Variants in MELTF observed in about 807,000 individuals in gnomAD.
MELTF encodes antigen p97 (melanoma associated) identified by monoclonal antibodies 133.2 and 96.5.
A neutral mutation model predicts 83.7 loss-of-function variants in MELTF; 67 were observed. That is an observed-to-expected ratio of 0.80 (90% confidence interval 0.66 to 0.98). MELTF has a LOEUF of 0.98. Ranked by LOEUF, MELTF falls within the 50% of genes least tolerant of loss-of-function variation. The pLI is 0.00. For missense variants in MELTF, 1,002 were observed against 1,035.6 expected (o/e 0.97, Z 0.44); for synonymous variants, 462 against 447.6 (o/e 1.03, Z -0.41).
Position 197,008,792 on chromosome 3 carries a change from C to T in MELTF, c.1682+17G>A. 6.2e-7 allele frequency: 1 copy of T among 1,613,990 alleles called. No homozygotes were observed. The highest frequency in any genetic ancestry group is 8.5e-7 in the Non-Finnish European group (1 of 1,179,936). ...AGCCTCTGCACACAGCCCCAGACTG[C>T]CAGGCCACCCGGGTACCTGAAGGCG... On this transcript the variant is annotated intron_variant, in intron 12 of 15. Coordinates refer to ENST00000296350, the MANE Select transcript of MELTF (RefSeq NM_005929.6). This position sits in a 1 kb window ranked among gnomAD's most constrained non-coding sequence, Gnocchi z 5.4.
At chr3:197,018,770 T>C (rs1055102070) in intron 6 of MELTF, among the ~76,000 whole-genome samples, 3 of 152,214 alleles carry the variant, frequency 2.0e-5, no homozygotes, top group Non-Finnish European at 2.9e-5. Context: ...TTAACCTGGT[T>C]AAGGACATAG....
In MELTF at chr3:197,006,667, G is replaced by T. The variant is rs768356114; in HGVS notation, c.1820C>A (p.Ala607Asp). The T allele has an allele frequency of 5.0e-6, 8 of 1,597,162 alleles. No homozygotes were observed. The highest frequency in any genetic ancestry group is 6.8e-6 in the Non-Finnish European group (8 of 1,171,594). ...TGCAAACTGGGACACCTCGGCTCGG[G>T]CCCCGTTGGGGCACAGCAGTTCATA... is the stretch of plus-strand genomic sequence containing the variant. The part of the protein sequence containing the change: ...EDYELLCPNG[A>D]RAEVSQFAAC... Residue 607 changes from alanine (A) to aspartate (D), a missense_variant, in exon 14 of 16, where the codon GCC becomes GAC. Ala to Asp is a moderately radical substitution (Grantham distance 126). Transcript: ENST00000296350. This position sits in a 1 kb window ranked among gnomAD's most constrained non-coding sequence, Gnocchi z 5.4.
Position 197,024,278 on chromosome 3 carries a change from C to T in MELTF, c.487+25G>A, listed in dbSNP as rs1577946250. On this transcript the variant is annotated intron_variant, in intron 4 of 15. Coordinates refer to ENST00000296350, the MANE Select transcript of MELTF (RefSeq NM_005929.6). The surrounding 1 kb of genome is among the most constrained non-coding windows in gnomAD (Gnocchi z 5.3). ...GAAAGGAGGGGGAGGCCTGGGGACC[C>T]TCCTGCCCAGCCCAAAGCCCTCACC... is the stretch of plus-strand genomic sequence containing the variant. 1 of 1,536,050 alleles carries T rather than the reference C, an allele frequency of 6.5e-7. No homozygotes were observed. Among genetic ancestry groups the T allele is most frequent in the Non-Finnish European group, 8.8e-7 (1 of 1,138,688 alleles).
In MELTF at chr3:197,022,002, T is replaced by C. The variant is rs988925264; in HGVS notation, c.645-531A>G. On this transcript the variant is annotated intron_variant, in intron 5 of 15. Transcript: ENST00000296350. This position sits in a 1 kb window ranked among gnomAD's most constrained non-coding sequence, Gnocchi z 5.1. ...CAAAGTAGCTGGGGTGACAGGTGTG[T>C]GCCACCATGCTGGGCTAATTTTCAG... Among the ~76,000 whole-genome samples, 2 of 152,146 alleles carry C rather than the reference T, an allele frequency of 1.3e-5. No homozygotes were observed. Among genetic ancestry groups the C allele is most frequent in the Non-Finnish European group, 2.9e-5 (2 of 68,014 alleles).
Position 197,016,216 on chromosome 3 carries a change from T to C in MELTF, c.1054A>G (p.Met352Val), listed in dbSNP as rs983086446. The C allele has an allele frequency of 3.8e-6, 6 of 1,586,434 alleles. No individual in the cohort carries two copies. Among genetic ancestry groups the C allele is most frequent in the Admixed American group, 1.8e-5 (1 of 56,986 alleles). ...TTGGGGTCACAGAGCAGACCCTTCA[T>C]GGCGTGCAGGTACTCATGGCCCAGC... ...AWLGHEYLHA[M>V]KGLLCDPNRL... The change falls in exon 8 of 16, where the codon ATG becomes GTG. Residue 352 changes from methionine to valine, a missense_variant. Transcript: ENST00000296350.
At chr3:197,010,662 T>G (rs748978593) in intron 10 of MELTF, 36 bp downstream of exon 10, 59 of 1,558,254 alleles carry the variant, frequency 3.8e-5, no homozygotes, top group Non-Finnish European at 4.8e-5. Flanking sequence ...TATCCCCACC[T>G]CCCGGCTGAG....
chr3:197,026,558 G>T, intron 3 of MELTF, 102 bp downstream of exon 3: 1 of 1,020,024 alleles, frequency 9.8e-7, no homozygotes, highest in South Asian at 1.3e-5. Context: ...ACTGCTCTGT[G>T]GACAGGGCTG....
In MELTF at chr3:197,009,793, C is replaced by T. The variant is rs372914428; in HGVS notation, c.1350G>A (p.Ser450=). The T allele has an allele frequency of 7.4e-5, 119 of 1,611,468 alleles. No homozygotes were observed. The East Asian group carries it at 1.2e-3, about 17-fold the overall frequency. The change falls in exon 11 of 16, where the codon TCG becomes TCA. Residue 450 remains serine (S), a synonymous_variant. Coordinates refer to ENST00000296350, the MANE Select transcript of MELTF (RefSeq NM_005929.6). ...EHYAPEDSSN[S]YYVVAVVRRD... ...GTCTCACCACGGCCACCACGTAGTA[C>T]GAGTTGCTGCTGTCTTCCGCTGGGG...
At chr3:197,026,594 A>T in intron 3 of MELTF, 66 bp downstream of exon 3, 1 of 1,460,728 alleles carries the variant, frequency 6.8e-7, no homozygotes, top group Non-Finnish European at 9.5e-7. Context: ...CAGGCCCAGC[A>T]AGGGCAGCCT....
At chr3:197,019,747 C>CT in intron 6 of MELTF, 1 of 1,608,742 alleles carries the variant, frequency 6.2e-7, no homozygotes, top group South Asian at 1.1e-5. Context: ...GTGTGCAGGG[C>CT]ACTCGCCTTC....
At position 197,003,731 on chromosome 3, in the gene MELTF, C is replaced by A; in HGVS notation, c.2137+170G>T. The A allele has an allele frequency of 4.0e-6, 3 of 743,738 alleles. No individual in the cohort carries two copies. Among genetic ancestry groups the A allele is most frequent in the Non-Finnish European group, 4.3e-6 (2 of 468,728 alleles). The allele number at this position is 743,738 out of a possible 1,614,324, so 46.1% of individuals were successfully genotyped here. ...GGGAGACCCGCCGGGCTCCCGCCCT[C>A]CCGGCCCGCAGCCTCCTGGCCAAAA... On this transcript the variant is annotated intron_variant, in intron 15 of 15. Coordinates refer to ENST00000296350, the MANE Select transcript of MELTF (RefSeq NM_005929.6). The surrounding 1 kb of genome is among the most constrained non-coding windows in gnomAD (Gnocchi z 6.2).
Position 197,011,974 on chromosome 3 carries a change from G to A in MELTF, c.1234-1180C>T, listed in dbSNP as rs2148581658. ...TCCCTGCACCTCTCCCTGCTCTGGG[G>A]CTCTTGGAACAATAGGGCAGCCTGC... On this transcript the variant is annotated intron_variant, in intron 9 of 15. Coordinates refer to ENST00000296350, the MANE Select transcript of MELTF (RefSeq NM_005929.6). The surrounding 1 kb of genome is among the most constrained non-coding windows in gnomAD (Gnocchi z 4.2). Among the ~76,000 whole-genome samples, 1 of 152,288 alleles carries A rather than the reference G, an allele frequency of 6.6e-6. No homozygotes were observed. Among genetic ancestry groups the A allele is most frequent in the East Asian group, 1.9e-4 (1 of 5,174 alleles).
At position 197,003,875 on chromosome 3, in the gene MELTF, G is replaced by A. The variant is rs2108950208; in HGVS notation, c.2137+26C>T. On this transcript the variant is annotated intron_variant, in intron 15 of 15. Transcript: ENST00000296350. The surrounding 1 kb of genome is among the most constrained non-coding windows in gnomAD (Gnocchi z 6.2). The stretch of plus-strand genomic sequence containing the variant: ...TGAAGGGGTCTGAATAGCACCAGGG[G>A]AGGCGGCAGGGCGGGCCTGTCCTAC... 1 of 1,609,002 alleles carries A rather than the reference G, an allele frequency of 6.2e-7. No individual in the cohort carries two copies.
intron 6 of MELTF, chr3:197,019,521 T>TGAGGCTGGGGGTTTGAGAC: frequency 6.6e-7 from 1 of 1,522,896 alleles, no homozygotes; most frequent in East Asian, 2.3e-5. Flanking sequence ...GAGGATCAGT[T>TGAGGCTGGGGGTTTGAGAC]GAGGCTGGGG....
At position 197,009,737 on chromosome 3, in the gene MELTF, T is replaced by C; in HGVS notation, c.1406A>G (p.Glu469Gly). Residue 469 changes from glutamate to glycine, a missense_variant, in exon 11 of 16, where the codon GAG becomes GGG. Physicochemically the swap from Glu to Gly is moderately conservative, Grantham distance 98. Transcript: ENST00000296350. The part of the protein sequence containing the change: ...RDSSHAFTLD[E>G]LRGKRSCHAG... ...GTGGCAGGAGCGCTTGCCCCGAAGC[T>C]CATCCAAGGTGAAGGCGTGGGAGCT... 1 of 1,613,540 alleles carries C rather than the reference T, an allele frequency of 6.2e-7. No individual in the cohort carries two copies. The highest frequency in any genetic ancestry group is 8.5e-7 in the Non-Finnish European group (1 of 1,180,012).
In MELTF at chr3:197,024,348, C is replaced by A. The variant is rs760398575; in HGVS notation, c.442G>T (p.Val148Leu). The change falls in exon 4 of 16, where the codon GTG becomes TTG. Residue 148 changes from valine to leucine, a missense_variant. Transcript: ENST00000296350. This position sits in a 1 kb window ranked among gnomAD's most constrained non-coding sequence, Gnocchi z 5.3. ...ATCACCGAGAGGCGGCCGCTCTCCA[C>A]CAGGTAGCCCACGGGCACGTTCCAG... ...VGWNVPVGYL[V>L]ESGRLSVMGC... The A allele has an allele frequency of 4.4e-6, 7 of 1,598,056 alleles. No individual in the cohort carries two copies. Among genetic ancestry groups the A allele is most frequent in the Admixed American group, 1.7e-5 (1 of 59,212 alleles).
At chr3:197,019,753 C>T (rs780033098) in intron 6 of MELTF, 4 of 1,603,660 alleles carry the variant, frequency 2.5e-6, no homozygotes, top group Non-Finnish European at 3.4e-6. Context: ...AGGGCACTCG[C>T]CTTCTTCCTC....
chr3:197,004,102 G>A lies in MELTF; in HGVS notation c.1939-3C>T, dbSNP rs1394088349. The A allele has an allele frequency of 6.2e-7, 1 of 1,613,966 alleles. No homozygotes were observed. The highest frequency in any genetic ancestry group is 1.3e-5 in the African/African-American group (1 of 74,942). On this transcript the variant is annotated splice_region_variant and splice_polypyrimidine_tract_variant and intron_variant, in intron 14 of 15. Transcript: ENST00000296350. ...TTGTGGTCGTCTCCAAACAGGTCCT[G>A]GAAGCACCGCAGGCAGACGACCTGC...
In MELTF at chr3:197,024,206, CGAGGCCGGAGG is replaced by C. The variant is rs1560223213; in HGVS notation, c.487+86_487+96del. 3.8e-6 allele frequency: 5 copies of C among 1,329,326 alleles called. No homozygotes were observed. The highest frequency in any genetic ancestry group is 5.1e-6 in the Non-Finnish European group (5 of 972,456). 82.3% of individuals were successfully genotyped at this position (1,329,326 alleles called of 1,614,324 possible). On this transcript the variant is annotated intron_variant, in intron 4 of 15. Coordinates refer to ENST00000296350, the MANE Select transcript of MELTF (RefSeq NM_005929.6). This position sits in a 1 kb window ranked among gnomAD's most constrained non-coding sequence, Gnocchi z 5.3. ...GCCTTCCAGGAATGAAGAATGGTGGCGAGGCCGGAGGGAGGCTACCCAGTGAAGGGACGAGC... is the reference window on the plus strand; with the variant it reads ...GCCTTCCAGGAATGAAGAATGGTGGCGAGGCTACCCAGTGAAGGGACGAGC...
Sources: allele counts gnomAD v4.1 joint callset (sites outside exome capture counted in the v4.1 genomes callset), GRCh38; gene constraint gnomAD v4.1.1; non-coding constraint Gnocchi (gnomAD v3.1); transcripts MANE v1.5; gene names NCBI Gene and HGNC (gene_info 2026-07-23, HGNC 2026-07-21).